Variants in ID2 observed in about 807,000 individuals in gnomAD.
ID2 encodes inhibitor of DNA binding 2.
A neutral mutation model predicts 8.3 loss-of-function variants in ID2; 2 were observed. The observed-to-expected ratio is 0.24, with a 90% CI of 0.10 to 0.76. ID2 has a LOEUF of 0.76. Ranked by LOEUF, ID2 falls within the 30% of genes least tolerant of loss-of-function variation. ID2 has a pLI of 0.73. For missense variants in ID2, 155 were observed against 167.0 expected (o/e 0.93, Z 0.40); for synonymous variants, 112 against 72.3 (o/e 1.55, Z -2.79).
chr2:8,682,624 CTT>C (rs1401236275), intron 1 of ID2, 111 bp downstream of exon 1: 8 of 800,694 alleles, frequency 1.0e-5, no homozygotes, highest in Non-Finnish European at 1.6e-5. Flanking sequence ...AGCTATTTAA[CTT>C]TATTTTCTTC....
rs779522291 is a variant in ID2 at position 8,682,915 on chromosome 2, T to G, written c.*7+9T>G. ...GTGTGGCTGAATAAGCGGTGAGTGT[T>G]TGCTTGTGCCACCCGTGGGTAAACT... On this transcript the variant is annotated intron_variant, in intron 2 of 2. Coordinates refer to ENST00000396290, the MANE Select transcript of ID2 (RefSeq NM_002166.5). 1.9e-6 allele frequency: 3 copies of G among 1,611,988 alleles called. No individual in the cohort carries two copies. Among genetic ancestry groups the G allele is most frequent in the South Asian group, 2.2e-5 (2 of 91,028 alleles).
rs751759340 is a variant in ID2, at chr2:8,682,521, C to A, written c.348+8C>A. On this transcript the variant is annotated splice_region_variant and intron_variant, in intron 1 of 2. Transcript: ENST00000396290. ...AGCATCCTGTCCTTGCAGGTAAGACCTGCTCCGGGGTCCCCGCCCCGCCGC... is the reference window on the plus strand; with the variant it reads ...AGCATCCTGTCCTTGCAGGTAAGACATGCTCCGGGGTCCCCGCCCCGCCGC... 3 of 1,604,100 alleles carry A rather than the reference C, an allele frequency of 1.9e-6. No individual in the cohort carries two copies. The highest frequency in any genetic ancestry group is 1.7e-4 in the Middle Eastern group (1 of 6,024).
At position 8,683,393 on chromosome 2, in the gene ID2, G is replaced by C. The variant is rs182538570; in HGVS notation, c.*8-292G>C. Among the ~76,000 whole-genome samples the C allele has an allele frequency of 1.2e-3, 187 of 152,320 alleles. 1 individual carries two copies. The highest frequency in any genetic ancestry group is 1.8e-3 in the Non-Finnish European group (120 of 68,022). On this transcript the variant is annotated intron_variant, in intron 2 of 2. Transcript: ENST00000396290. ...TTCCCTATCTGTTAACTAAAGGGCT[G>C]TTTTCAATCAAATAATTGTTACGAG...
In ID2 at chr2:8,682,303, C is replaced by T. The variant is rs1572356475; in HGVS notation, c.138C>T (p.Leu46=). 1.2e-6 allele frequency: 2 copies of T among 1,614,144 alleles called. No homozygotes were observed. Among genetic ancestry groups the T allele is most frequent in the Non-Finnish European group, 1.7e-6 (2 of 1,180,034 alleles). The change falls in exon 1 of 3, where the codon CTC becomes CTT. Residue 46 remains leucine (L), a synonymous_variant. Coordinates refer to ENST00000396290, the MANE Select transcript of ID2 (RefSeq NM_002166.5). ...ACATGAACGACTGCTACTCCAAGCT[C>T]AAGGAGCTGGTGCCCAGCATCCCCC... The part of the protein sequence containing the change: ...LYNMNDCYSK[L]KELVPSIPQN...
rs751241949 is a variant in ID2 at position 8,682,229 on chromosome 2, A to G, written c.64A>G (p.Ile22Val). The change falls in exon 1 of 3, where the codon ATC becomes GTC. Residue 22 changes from isoleucine (I) to valine (V), a missense_variant. Transcript: ENST00000396290. Reference sequence around the variant, plus strand: ...CAGCCTGTCGGACCACAGCCTGGGCATCTCCCGGAGCAAAACCCCTGTGGA... The same window carrying G: ...CAGCCTGTCGGACCACAGCCTGGGCGTCTCCCGGAGCAAAACCCCTGTGGA... ...KNSLSDHSLGISRSKTPVDDP... is the reference protein window; with the variant it reads ...KNSLSDHSLGVSRSKTPVDDP... 22 of 1,614,052 alleles carry G rather than the reference A, an allele frequency of 1.4e-5. No individual in the cohort carries two copies. The highest frequency in any genetic ancestry group is 1.5e-5 in the Non-Finnish European group (18 of 1,180,026).
Position 8,682,333 on chromosome 2 carries a change from CAAG to C in ID2, c.172_174del (p.Lys58del), listed in dbSNP as rs1234119319. The C allele has an allele frequency of 1.2e-6, 2 of 1,613,986 alleles. No homozygotes were observed. The highest frequency in any genetic ancestry group is 1.7e-5 in the Admixed American group (1 of 60,012). ...AGCTGGTGCCCAGCATCCCCCAGAACAAGAAGGTGAGCAAGATGGAAATCCTGC... is the reference window on the plus strand; with the variant it reads ...AGCTGGTGCCCAGCATCCCCCAGAACAAGGTGAGCAAGATGGAAATCCTGC... On this transcript the variant is annotated inframe_deletion, in exon 1 of 3. Coordinates refer to ENST00000396290, the MANE Select transcript of ID2 (RefSeq NM_002166.5).
intron 1 of ID2, 38 bp from the exon 2 acceptor site, chr2:8,682,805 T>G: frequency 6.8e-7 from 1 of 1,472,598 alleles, no homozygotes; most frequent in Non-Finnish European, 9.5e-7. Flanking sequence ...TACTTAACAT[T>G]GTCTTAACCT....
At position 8,684,139 on chromosome 2, in the gene ID2, T is replaced by C. The variant is rs939998187; in HGVS notation, c.*462T>C. 5.3e-5 allele frequency: 8 copies of C among 151,712 alleles called. No individual in the cohort carries two copies. Among genetic ancestry groups the C allele is most frequent in the African/African-American group, 2.0e-4 (8 of 40,934 alleles). 9.4% of individuals were successfully genotyped at this position (151,712 alleles called of 1,614,324 possible). A position where few individuals can be genotyped will look rare whatever the true frequency, so the allele number is the denominator to read the frequency against. On this transcript the variant is annotated 3_prime_UTR_variant, in exon 3 of 3. Transcript: ENST00000396290. ...TGCTGTGTATATATTTATATATAAA[T>C]ATATCTATTTGAGTGAAACCTTGTG...
chr2:8,683,004 T>C (rs1662131050), intron 2 of ID2, 98 bp downstream of exon 2: 2 of 898,044 alleles, frequency 2.2e-6, no homozygotes. Context: ...AAATGTCTGA[T>C]TTGGTAAATG....
At position 8,682,246 on chromosome 2, in the gene ID2, C is replaced by G. The variant is rs369813445; in HGVS notation, c.81C>G (p.Thr27=). Residue 27 remains threonine, a synonymous_variant, in exon 1 of 3, where the codon ACC becomes ACG. Coordinates refer to ENST00000396290, the MANE Select transcript of ID2 (RefSeq NM_002166.5). ...GCCTGGGCATCTCCCGGAGCAAAAC[C>G]CCTGTGGACGACCCGATGAGCCTGC... ...DHSLGISRSK[T]PVDDPMSLLY... is the part of the protein sequence containing the mutation. 5 of 1,614,018 alleles carry G rather than the reference C, an allele frequency of 3.1e-6. No homozygotes were observed. Among genetic ancestry groups the G allele is most frequent in the Admixed American group, 1.7e-5 (1 of 60,000 alleles).
At position 8,682,158 on chromosome 2, in the gene ID2, C is replaced by T. The variant is rs1432746766; in HGVS notation, c.-8C>T. The stretch of plus-strand genomic sequence containing the variant: ...TCCCTCCCGGTCTCGCCTTCCCTCG[C>T]GGTCAGCATGAAAGCCTTCAGTCCC... On this transcript the variant is annotated 5_prime_UTR_variant, in exon 1 of 3. Transcript: ENST00000396290. 2.5e-6 allele frequency: 4 copies of T among 1,608,032 alleles called. No homozygotes were observed. The highest frequency in any genetic ancestry group is 1.7e-5 in the Admixed American group (1 of 59,886).
rs56043919 is a variant in ID2, at chr2:8,682,794, C to T, written c.349-49C>T. Reference sequence around the variant, plus strand: ...AAAAAAAAAAAAAAAAAAACCCTTTCTACTTAACATTGTCTTAACCTCGTA... The same window carrying T: ...AAAAAAAAAAAAAAAAAAACCCTTTTTACTTAACATTGTCTTAACCTCGTA... On this transcript the variant is annotated intron_variant, in intron 1 of 2. Coordinates refer to ENST00000396290, the MANE Select transcript of ID2 (RefSeq NM_002166.5). 108 of 1,078,426 alleles carry T rather than the reference C, an allele frequency of 1.0e-4. 1 individual carries two copies. The East Asian group carries it at 2.2e-3, about 22-fold the overall frequency. 66.8% of individuals were successfully genotyped at this position (1,078,426 alleles called of 1,614,324 possible).
intron 2 of ID2, among the ~76,000 whole-genome samples, chr2:8,683,467 T>C (rs552438486): frequency 5.9e-5 from 9 of 152,244 alleles, no homozygotes; most frequent in Admixed American, 2.0e-4. Flanking sequence ...AAATAGGAGA[T>C]TGGGTTGGGA....
intron 2 of ID2, 154 bp downstream of exon 2, chr2:8,683,060 C>A: frequency 1.5e-6 from 1 of 659,602 alleles, no homozygotes; most frequent in Non-Finnish European, 2.8e-6. Context: ...TCTCACTAGA[C>A]ATGAAGGAGC....
chr2:8,683,424 G>A (rs1439460031), intron 2 of ID2, among the ~76,000 whole-genome samples: 1 of 152,226 alleles, frequency 6.6e-6, no homozygotes, highest in African/African-American at 2.4e-5. Flanking sequence ...ACGAGAAGCA[G>A]ACTGGCGCCT....
chr2:8,682,198 G>A lies in ID2; in HGVS notation c.33G>A (p.Arg11=), dbSNP rs746017528. MKAFSPVRSV[R]KNSLSDHSLG... ...CCTTCAGTCCCGTGAGGTCCGTTAG[G>A]AAAAACAGCCTGTCGGACCACAGCC... is the stretch of plus-strand genomic sequence containing the variant. The change falls in exon 1 of 3, where the codon AGG becomes AGA. Residue 11 remains arginine (R), a synonymous_variant. Transcript: ENST00000396290. 2.8e-5 allele frequency: 45 copies of A among 1,613,738 alleles called. No individual in the cohort carries two copies. The East Asian group carries it at 9.4e-4, about 34-fold the overall frequency.
In ID2 at chr2:8,682,378, C is replaced by T. The variant is rs1194050468; in HGVS notation, c.213C>T (p.Tyr71=). ...AAATCCTGCAGCACGTCATCGACTA[C>T]ATCTTGGACCTGCAGATCGCCCTGG... ...KMEILQHVID[Y]ILDLQIALDS... Residue 71 remains tyrosine, a synonymous_variant, in exon 1 of 3, where the codon TAC becomes TAT. Transcript: ENST00000396290. The T allele has an allele frequency of 9.3e-6, 15 of 1,614,010 alleles. No homozygotes were observed. Among genetic ancestry groups the T allele is most frequent in the South Asian group, 7.7e-5 (7 of 91,086 alleles).
At position 8,682,825 on chromosome 2, in the gene ID2, T is replaced by G. The variant is rs1422208218; in HGVS notation, c.349-18T>G. 3 of 1,599,734 alleles carry G rather than the reference T, an allele frequency of 1.9e-6. No homozygotes were observed. The African/African-American group carries it at 4.0e-5, about 21-fold the overall frequency. ...AACATTGTCTTAACCTCGTACTCTT[T>G]ATCCTCTTTCTTTCCAGGCTTCTGA... On this transcript the variant is annotated intron_variant, in intron 1 of 2. Coordinates refer to ENST00000396290, the MANE Select transcript of ID2 (RefSeq NM_002166.5).
chr2:8,682,955 G>C (rs1196504357), intron 2 of ID2, 49 bp downstream of exon 2: 18 of 1,387,122 alleles, frequency 1.3e-5, no homozygotes, highest in Non-Finnish European at 1.5e-5. Context: ...CTCGGTGTGT[G>C]TGCGCGCGCG....
Sources: gnomAD v4.1 joint callset for allele counts (sites outside exome capture counted in the v4.1 genomes callset) on GRCh38, gnomAD v4.1.1 for gene constraint, MANE v1.5 for transcripts, NCBI Gene and HGNC (gene_info 2026-07-23, HGNC 2026-07-21) for gene names.